Variants in ZNF609 observed in about 807,000 individuals in gnomAD.
ZNF609 encodes zinc finger protein 609.
Under a neutral mutation model 109.5 loss-of-function variants are expected in ZNF609, and 11 were observed. The observed-to-expected ratio is 0.10, with a 90% CI of 0.06 to 0.17. The LOEUF (loss-of-function observed/expected upper bound fraction) is 0.17. Among genes scored for constraint, ZNF609 ranks in the 10% least tolerant of loss-of-function variants. The pLI, the probability that ZNF609 is intolerant of heterozygous loss-of-function variation, is 1.00. For synonymous variants in ZNF609, 646 were observed against 662.0 expected (o/e 0.98, Z 0.37); for missense variants, 1,559 against 1,772.4 (o/e 0.88, Z 2.16).
At chr15:64,551,084 C>T (rs983022946) in intron 2 of ZNF609, among the ~76,000 whole-genome samples, 9 of 151,948 alleles carry the variant, frequency 5.9e-5, no homozygotes, top group African/African-American at 2.2e-4. Flanking sequence ...TTAGGATGGT[C>T]CCTTTTTTTT....
At chr15:64,459,822 T>C (rs1357480220), upstream of ZNF609, among the ~76,000 whole-genome samples, 1 of 152,064 alleles carries the variant, frequency 6.6e-6, no homozygotes, top group African/African-American at 2.4e-5. Flanking sequence ...ATGGACTGAA[T>C]GCCTACTGTG....
intron 2 of ZNF609, among the ~76,000 whole-genome samples, chr15:64,537,326 C>G (rs1303759984): frequency 6.6e-6 from 1 of 151,370 alleles, no homozygotes. Flanking sequence ...GGAGAAACCC[C>G]ATCTCTACTA....
intron 6 of ZNF609, 75 bp from the exon 7 acceptor site, chr15:64,680,110 C>T (rs1896860758): frequency 2.0e-6 from 3 of 1,513,260 alleles, no homozygotes; most frequent in Non-Finnish European, 2.7e-6. Flanking sequence ...CTGATGCCCA[C>T]CCAATCAAGC....
At chr15:64,508,811 C>T (rs1893673885) in intron 2 of ZNF609, among the ~76,000 whole-genome samples, 1 of 151,860 alleles carries the variant, frequency 6.6e-6, no homozygotes. Flanking sequence ...ACCTCACTTC[C>T]TACCTCCCCA....
At chr15:64,615,282 A>G (rs901382952) in intron 2 of ZNF609, among the ~76,000 whole-genome samples, 22 of 152,034 alleles carry the variant, frequency 1.4e-4, no homozygotes, top group African/African-American at 4.6e-4. Context: ...AGCTAGGACT[A>G]CAGGTACACA....
chr15:64,478,376 ACTT>A (rs1456912268), intron 1 of ZNF609, among the ~76,000 whole-genome samples: 1 of 149,896 alleles, frequency 6.7e-6, no homozygotes, highest in Non-Finnish European at 1.5e-5. Flanking sequence ...GAATAAATGA[ACTT>A]TTTTTTTTTG....
chr15:64,460,896 G>C (rs1487364293), intron 1 of ZNF609, 58 bp downstream of exon 1: 1 of 142,360 alleles, frequency 7.0e-6, no homozygotes, highest in South Asian at 2.3e-4. Context: ...CGGCGGCACC[G>C]ATGGGGCGCG....
At chr15:64,529,143 G>A in intron 2 of ZNF609, 1 of 748,304 alleles carries the variant, frequency 1.3e-6, no homozygotes, top group South Asian at 1.4e-5. Context: ...TGTGAACTGT[G>A]GTCATGAATC....
intron 2 of ZNF609, among the ~76,000 whole-genome samples, chr15:64,618,197 C>T (rs1895828511): frequency 1.3e-5 from 2 of 152,120 alleles, no homozygotes; most frequent in Admixed American, 1.3e-4. Context: ...ACGATCACAG[C>T]TCACTGCAGC....
At chr15:64,518,561 T>A (rs575783700) in intron 2 of ZNF609, among the ~76,000 whole-genome samples, 1 of 152,264 alleles carries the variant, frequency 6.6e-6, no homozygotes, top group East Asian at 1.9e-4. Flanking sequence ...AGTGATTGAT[T>A]TTTGAGTTTT....
intron 3 of ZNF609, among the ~76,000 whole-genome samples, chr15:64,639,775 A>G (rs990511197): frequency 1.3e-5 from 2 of 152,192 alleles, no homozygotes; most frequent in Admixed American, 1.3e-4. Context: ...AAAATTTCAG[A>G]ATAATTATTG....
chr15:64,607,221 A>T (rs1052746934), intron 2 of ZNF609, among the ~76,000 whole-genome samples: 1 of 152,092 alleles, frequency 6.6e-6, no homozygotes, highest in Admixed American at 6.6e-5. Flanking sequence ...TCATTTACTG[A>T]ATTTATTGGT....
intron 2 of ZNF609, among the ~76,000 whole-genome samples, chr15:64,504,489 C>T (rs755820692): frequency 3.9e-5 from 6 of 152,010 alleles, no homozygotes; most frequent in Non-Finnish European, 7.4e-5. Context: ...TTATTATTTT[C>T]GAGATGGAGA....
At chr15:64,625,944 G>T (rs376275517) in intron 3 of ZNF609, among the ~76,000 whole-genome samples, 3,593 of 24,818 alleles carry the variant, frequency 0.14, 69 homozygotes, top group Non-Finnish European at 0.23. Context: ...TATAGAGAGA[G>T]AGAGAGAGAG....
In ZNF609 at chr15:64,599,168, G is replaced by GTTTTTTTTTTTT. The variant is rs556122154; in HGVS notation, c.748-23642_748-23631dup. Among the ~76,000 whole-genome samples the GTTTTTTTTTTTT allele has an allele frequency of 3.0e-4, 14 of 46,504 alleles. 1 individual carries two copies. The highest frequency in any genetic ancestry group is 6.6e-4 in the East Asian group (1 of 1,508). The allele number at this position is 46,504 out of a possible 152,430, so 30.5% of individuals were successfully genotyped here. On this transcript the variant is annotated intron_variant, in intron 2 of 9. Coordinates refer to ENST00000326648, the MANE Select transcript of ZNF609 (RefSeq NM_015042.2). ...TAAAAAAAAAAGTTATTTTGTGGTG[G>GTTTTTTTTTTTT]TTTTTTTTTTTTTTTTTTTTTTTTT...
At position 64,680,807 on chromosome 15, in the gene ZNF609, C is replaced by T. The variant is rs780617663; in HGVS notation, c.4107C>T (p.His1369=). The part of the protein sequence containing the change: ...SQRLMSTHHH[H]HHLGYSLLPA... ...GCCTGATGTCCACACACCACCACCA[C>T]CACCACTTGGGGTACTCATTGCTCC... The change falls in exon 8 of 10, where the codon CAC becomes CAT. Residue 1369 remains histidine (H), a synonymous_variant. Coordinates refer to ENST00000326648, the MANE Select transcript of ZNF609 (RefSeq NM_015042.2). The T allele has an allele frequency of 8.1e-6, 13 of 1,613,486 alleles. No homozygotes were observed. The highest frequency in any genetic ancestry group is 1.1e-5 in the Non-Finnish European group (13 of 1,180,016).
In ZNF609 at chr15:64,678,201, G is replaced by A. The variant is rs1896833580; in HGVS notation, c.3488G>A (p.Arg1163Gln). 6 of 1,613,960 alleles carry A rather than the reference G, an allele frequency of 3.7e-6. No individual in the cohort carries two copies. The highest frequency in any genetic ancestry group is 1.6e-4 in the Middle Eastern group (1 of 6,084). Residue 1163 changes from arginine to glutamine, a missense_variant, in exon 6 of 10, where the codon CGG becomes CAG. Coordinates refer to ENST00000326648, the MANE Select transcript of ZNF609 (RefSeq NM_015042.2). ...GAGGATGAGCGGTGGAAGGAGGAGC[G>A]GGACCGCAAATTGAAGGAGGAAAGG... ...KSEDERWKEE[R>Q]DRKLKEERSR... is the part of the protein sequence containing the mutation.
At chr15:64,604,168 A>G (rs1479145373) in intron 2 of ZNF609, among the ~76,000 whole-genome samples, 1 of 152,184 alleles carries the variant, frequency 6.6e-6, no homozygotes, top group Non-Finnish European at 1.5e-5. Flanking sequence ...GACAGGGATC[A>G]TATTATATTT....
intron 2 of ZNF609, among the ~76,000 whole-genome samples, chr15:64,609,069 T>C (rs1415504663): frequency 4.1e-5 from 1 of 24,240 alleles, no homozygotes; most frequent in African/African-American, 1.1e-4. Flanking sequence ...TTAATTTTTC[T>C]TTCTTTCTTT....
Sources: allele counts gnomAD v4.1 joint callset (sites outside exome capture counted in the v4.1 genomes callset), GRCh38; gene constraint gnomAD v4.1.1; transcripts MANE v1.5; gene names NCBI Gene and HGNC (gene_info 2026-07-23, HGNC 2026-07-21).